Variants in EPHA5 observed in about 807,000 individuals in gnomAD.
EPHA5 encodes EPH receptor A5, also known as ephrin type-A receptor 5.
Under a neutral mutation model 105.0 loss-of-function variants are expected in EPHA5, and 60 were observed. That is an observed-to-expected ratio of 0.57 (90% CI 0.46 to 0.71). The LOEUF is 0.71. Among genes scored for constraint, EPHA5 ranks in the 30% least tolerant of loss-of-function variants. The pLI is 0.00. For synonymous variants in EPHA5, 513 were observed against 449.1 expected, an observed-to-expected ratio of 1.14 and a Z score of -1.80; for missense variants, 1,218 against 1,274.7, an observed-to-expected ratio of 0.96 and a Z score of 0.68.
In EPHA5 at chr4:65,348,815, A is replaced by ATATATAT. The variant is rs71657404; in HGVS notation, c.2446-613_2446-612insATATATA. On this transcript the variant is annotated intron_variant, in intron 13 of 16. Coordinates refer to ENST00000613740, the MANE Select transcript of EPHA5 (RefSeq NM_001281766.3). ...TGTGTATATATATATATATATATAT[A>ATATATAT]TTTTTTTTTTTTTTTTTTGAGACAG... Among the ~76,000 whole-genome samples the ATATATAT allele has an allele frequency of 2.7e-4, 17 of 64,110 alleles. 1 individual carries two copies. The highest frequency in any genetic ancestry group is 1.2e-3 in the Admixed American group (4 of 3,380). The allele number at this position is 64,110 out of a possible 152,430, so 42.1% of individuals were successfully genotyped here.
At position 65,323,434 on chromosome 4, in the gene EPHA5, A is replaced by T. The variant is rs1375141551; in HGVS notation, c.*680T>A. 1.3e-5 allele frequency: 3 copies of T among 230,022 alleles called. No individual in the cohort carries two copies. Among genetic ancestry groups the T allele is most frequent in the Admixed American group, 1.1e-4 (2 of 17,574 alleles). The allele number at this position is 230,022 out of a possible 1,614,324, so 14.2% of individuals were successfully genotyped here. A position where few individuals can be genotyped will look rare whatever the true frequency, so the allele number is the denominator to read the frequency against. On this transcript the variant is annotated 3_prime_UTR_variant, in exon 17 of 17. Transcript: ENST00000613740. ...TCAGTTCCTGGGTATATTGCAAATT[A>T]TACAGTATATACACATTTATTACCT...
At chr4:65,556,693 C>A (rs1738476928) in intron 3 of EPHA5, among the ~76,000 whole-genome samples, 1 of 152,062 alleles carries the variant, frequency 6.6e-6, no homozygotes. Flanking sequence ...ATGCTATTTT[C>A]AGCAAATAGA....
At chr4:65,624,040 G>A (rs1000339443) in intron 2 of EPHA5, among the ~76,000 whole-genome samples, 1 of 151,760 alleles carries the variant, frequency 6.6e-6, no homozygotes, top group Non-Finnish European at 1.5e-5. Context: ...AATGAATAAT[G>A]GACAAAAAAC....
intron 3 of EPHA5, among the ~76,000 whole-genome samples, chr4:65,577,187 A>G (rs887621385): frequency 6.6e-6 from 1 of 152,124 alleles, no homozygotes; most frequent in African/African-American, 2.4e-5. Flanking sequence ...ATTTGCTGCC[A>G]CTATCATTTT....
chr4:65,536,074 T>C (rs1417498551), intron 3 of EPHA5, among the ~76,000 whole-genome samples: 2 of 152,144 alleles, frequency 1.3e-5, no homozygotes, highest in East Asian at 3.9e-4. Flanking sequence ...ATTACCTTCA[T>C]GTTTTTAACA....
rs993761384 is a variant in EPHA5 at position 65,441,894 on chromosome 4, A to G, written c.1403-21329T>C. Among the ~76,000 whole-genome samples, 4 of 152,168 alleles carry G rather than the reference A, an allele frequency of 2.6e-5. No homozygotes were observed. In the South Asian group the frequency reaches 8.3e-4, roughly 31 times the overall value. ...TTGATTACATCTTTGTTGTAAGTGC[A>G]TGCCTATAATCTTTTTATTCTAACA... On this transcript the variant is annotated intron_variant, in intron 5 of 16. Coordinates refer to ENST00000613740, the MANE Select transcript of EPHA5 (RefSeq NM_001281766.3).
chr4:65,369,778 C>T (rs1182287068), intron 8 of EPHA5, among the ~76,000 whole-genome samples: 4 of 151,978 alleles, frequency 2.6e-5, no homozygotes, highest in African/African-American at 9.7e-5. Flanking sequence ...ACCAGCCTGG[C>T]CAACACAGTG....
At chr4:65,555,344 T>G (rs921206256) in intron 3 of EPHA5, among the ~76,000 whole-genome samples, 4 of 151,958 alleles carry the variant, frequency 2.6e-5, no homozygotes, top group Non-Finnish European at 5.9e-5. Flanking sequence ...AAATCGTGAT[T>G]TTAAATATGT....
At chr4:65,328,224 T>C (rs1030995369) in intron 16 of EPHA5, among the ~76,000 whole-genome samples, 2 of 151,220 alleles carry the variant, frequency 1.3e-5, no homozygotes, top group Non-Finnish European at 3.0e-5. Context: ...TACATAAACA[T>C]AGTTTGGATT....
rs77053291 is a variant in EPHA5, at chr4:65,368,140, C to T, written c.1794-716G>A. Among the ~76,000 whole-genome samples the T allele has an allele frequency of 2.6e-5, 4 of 152,170 alleles. No homozygotes were observed. In the East Asian group the frequency reaches 7.8e-4, roughly 29 times the overall value. ...TTATTCTTGATGGATTGAAATCCCT[C>T]ACTACTTTTCTGATGCTTTTTGCTC... On this transcript the variant is annotated intron_variant, in intron 8 of 16. Coordinates refer to ENST00000613740, the MANE Select transcript of EPHA5 (RefSeq NM_001281766.3).
chr4:65,346,181 C>T (rs1236147212), intron 14 of EPHA5, among the ~76,000 whole-genome samples: 1 of 151,494 alleles, frequency 6.6e-6, no homozygotes, highest in Non-Finnish European at 1.5e-5. Flanking sequence ...TGTATCTTGC[C>T]AAATCTTATG....
At chr4:65,511,294 T>C (rs1421641747) in intron 3 of EPHA5, among the ~76,000 whole-genome samples, 1 of 152,198 alleles carries the variant, frequency 6.6e-6, no homozygotes, top group Non-Finnish European at 1.5e-5. Context: ...TAAAAAATTA[T>C]CTTTATAAGA....
At chr4:65,488,058 CA>C (rs1731052276) in intron 5 of EPHA5, among the ~76,000 whole-genome samples, 1 of 151,934 alleles carries the variant, frequency 6.6e-6, no homozygotes, top group Non-Finnish European at 1.5e-5. Flanking sequence ...CAATAGCAAC[CA>C]AAAGTCAACA....
chr4:65,414,313 C>T lies in EPHA5; in HGVS notation c.1658G>A (p.Arg553Gln), dbSNP rs867811974. 9.3e-6 allele frequency: 15 copies of T among 1,613,732 alleles called. No homozygotes were observed. The highest frequency in any genetic ancestry group is 6.7e-5 in the East Asian group (3 of 44,832). The change falls in exon 7 of 17, where the codon CGA becomes CAA. Residue 553 changes from arginine to glutamine, a missense_variant. Arg to Gln is a conservative substitution (Grantham distance 43). Coordinates refer to ENST00000613740, the MANE Select transcript of EPHA5 (RefSeq NM_001281766.3). ...RTAAGYGVFS[R>Q]RFEFETTPVS... ...TGGGGTGGTTTCAAACTCAAATCTT[C>T]GACTGAAGACACCATAGCCTGCTGC...
intron 3 of EPHA5, among the ~76,000 whole-genome samples, chr4:65,572,958 G>A (rs937684506): frequency 6.6e-6 from 1 of 152,064 alleles, no homozygotes; most frequent in African/African-American, 2.4e-5. Context: ...TTGAACCCAG[G>A]AGGCGGAGGC....
At chr4:65,635,224 T>C (rs1184187726) in intron 2 of EPHA5, among the ~76,000 whole-genome samples, 1 of 152,226 alleles carries the variant, frequency 6.6e-6, no homozygotes, top group Non-Finnish European at 1.5e-5. Flanking sequence ...TTGAAGTATC[T>C]ACAATGTAGG....
intron 13 of EPHA5, among the ~76,000 whole-genome samples, chr4:65,348,815 AT>A (rs10633855): frequency 0.011 from 690 of 64,060 alleles, 24 homozygotes; most frequent in Admixed American, 0.028. Context: ...ATATATATAT[AT>A]TTTTTTTTTT....
At position 65,483,081 on chromosome 4, in the gene EPHA5, A is replaced by G. The variant is rs375313291; in HGVS notation, c.1402+7296T>C. On this transcript the variant is annotated intron_variant, in intron 5 of 16. Transcript: ENST00000613740. Reference sequence around the variant, plus strand: ...TGTGTCCAAGTGTTCTCATTGTTCAATTCCCACCTATGAGTGAGAACATGT... The same window carrying G: ...TGTGTCCAAGTGTTCTCATTGTTCAGTTCCCACCTATGAGTGAGAACATGT... 1.6e-3 allele frequency among the ~76,000 whole-genome samples: 247 copies of G among 152,086 alleles called. 2 individuals are homozygous for G. Among genetic ancestry groups the G allele is most frequent in the South Asian group, 0.013 (62 of 4,828 alleles).
chr4:65,332,098 T>A lies in EPHA5; in HGVS notation c.2820A>T (p.Pro940=). 6.2e-7 allele frequency: 1 copy of A among 1,608,124 alleles called. No individual in the cohort carries two copies. Among genetic ancestry groups the A allele is most frequent in the Non-Finnish European group, 8.5e-7 (1 of 1,176,808 alleles). ...CTGATCTGTAGGCCCCAGATCCTAG[T>A]GGGCTATGTTCTGCCAATAAATTAG... is the stretch of plus-strand genomic sequence containing the variant. The part of the protein sequence containing the change: ...RVSNLLAEHS[P]LGSGAYRSVG... Residue 940 remains proline (P), a synonymous_variant, in exon 16 of 17, where the codon CCA becomes CCT. Coordinates refer to ENST00000613740, the MANE Select transcript of EPHA5 (RefSeq NM_001281766.3).
Sources: gnomAD v4.1 joint callset for allele counts (sites outside exome capture counted in the v4.1 genomes callset) on GRCh38, gnomAD v4.1.1 for gene constraint, MANE v1.5 for transcripts, NCBI Gene and HGNC (gene_info 2026-07-23, HGNC 2026-07-21) for gene names.